The following SNX7 variants were observed in gnomAD, a reference collection of about 807,000 sequenced individuals.
SNX7 encodes the protein sorting nexin 7.
In SNX7, 35 loss-of-function variants were observed where a neutral mutation model predicts 48.4. The ratio of observed to expected loss-of-function variants is 0.72; its 90% confidence interval spans 0.55 to 0.96. SNX7 has a LOEUF of 0.96. Among genes scored for constraint, SNX7 ranks in the 40% least tolerant of loss-of-function variants. SNX7 has a pLI of 0.00. For missense variants in SNX7, 553 were observed against 548.9 expected (o/e 1.01, Z -0.07); for synonymous variants, 190 against 190.2 (o/e 1.00, Z 0.01).
chr1:98,750,131 ATT>A (rs1654510179), intron 8 of SNX7, among the ~76,000 whole-genome samples: 1 of 151,964 alleles, frequency 6.6e-6, no homozygotes. Flanking sequence ...TATCATTATT[ATT>A]ATTAGGTAAA....
chr1:98,727,056 A>G (rs1570577801), intron 7 of SNX7, among the ~76,000 whole-genome samples: 1 of 152,150 alleles, frequency 6.6e-6, no homozygotes, highest in African/African-American at 2.4e-5. Flanking sequence ...TAAGAATACA[A>G]AAAATTAGCT....
In SNX7 at chr1:98,683,013, A is replaced by G. The variant is rs541974225; in HGVS notation, c.181-1872A>G. ...ATATTGCTATCATATTTTAATTTTC[A>G]TGAGTCTCTTTTTTGGTTGGTGGTG... On this transcript the variant is annotated intron_variant, in intron 1 of 8. Coordinates refer to ENST00000306121, the MANE Select transcript of SNX7 (RefSeq NM_015976.5). 2.1e-4 allele frequency among the ~76,000 whole-genome samples: 32 copies of G among 152,032 alleles called. No homozygotes were observed. In the Middle Eastern group the frequency reaches 0.017, roughly 81 times the overall value.
intron 7 of SNX7, among the ~76,000 whole-genome samples, chr1:98,737,206 C>A (rs1378454463): frequency 6.6e-6 from 1 of 151,998 alleles, no homozygotes; most frequent in Non-Finnish European, 1.5e-5. Flanking sequence ...CACTGAGAGT[C>A]CCATGGTTCA....
chr1:98,753,807 A>G (rs1654701925), intron 8 of SNX7, among the ~76,000 whole-genome samples: 1 of 151,942 alleles, frequency 6.6e-6, no homozygotes, highest in Admixed American at 6.6e-5. Context: ...CCCAGTTAAT[A>G]GTTTTCTGTT....
At chr1:98,743,663 G>A (rs1320360001) in intron 8 of SNX7, among the ~76,000 whole-genome samples, 2 of 151,992 alleles carry the variant, frequency 1.3e-5, no homozygotes, top group African/African-American at 4.8e-5. Context: ...TAAAAACTAA[G>A]TCTGAATAAG....
At chr1:98,741,996 T>C (rs1214923997) in intron 8 of SNX7, among the ~76,000 whole-genome samples, 1 of 152,138 alleles carries the variant, frequency 6.6e-6, no homozygotes, top group Non-Finnish European at 1.5e-5. Context: ...AGGAACTGCT[T>C]TAGAATAGCT....
intron 7 of SNX7, among the ~76,000 whole-genome samples, chr1:98,714,047 CAAAGCACAGA>C (rs1652459012): frequency 1.3e-5 from 2 of 152,122 alleles, no homozygotes; most frequent in South Asian, 2.1e-4. Context: ...GGAATATCTG[CAAAGCACAGA>C]AAAGCACAGT....
chr1:98,686,333 C>T (rs190150853), intron 2 of SNX7, among the ~76,000 whole-genome samples: 7 of 151,982 alleles, frequency 4.6e-5, no homozygotes, highest in Admixed American at 3.9e-4. Flanking sequence ...TTTTTTAAAT[C>T]AATGAAACTG....
chr1:98,749,322 A>G (rs749467491), intron 8 of SNX7, among the ~76,000 whole-genome samples: 1 of 152,104 alleles, frequency 6.6e-6, no homozygotes, highest in Non-Finnish European at 1.5e-5. Context: ...CAGAATAATA[A>G]AAAAATGGAC....
intron 1 of SNX7, 148 bp downstream of exon 1, chr1:98,662,059 C>A: frequency 2.2e-6 from 2 of 897,524 alleles, no homozygotes; most frequent in Non-Finnish European, 1.5e-6. Context: ...GGCTGCTGGA[C>A]CCCGCCTGCC....
rs1651603688 is a variant in SNX7 at position 98,698,872 on chromosome 1, A to G, written c.1005A>G (p.Val335=). Residue 335 remains valine, a synonymous_variant, in exon 6 of 9, where the codon GTA becomes GTG. Coordinates refer to ENST00000306121, the MANE Select transcript of SNX7 (RefSeq NM_015976.5). ...SGLSEALLPV[V]HEYVLYSEML... ...TCTCAGAGGCCCTGCTTCCTGTTGT[A>G]CATGAGTACGTGCTTTATAGTGAAA... 1.2e-6 allele frequency: 2 copies of G among 1,613,664 alleles called. No homozygotes were observed. The highest frequency in any genetic ancestry group is 1.7e-6 in the Non-Finnish European group (2 of 1,179,742).
chr1:98,680,782 C>T (rs115498797), intron 1 of SNX7, among the ~76,000 whole-genome samples: 1,756 of 152,278 alleles, frequency 0.012, 35 homozygotes, highest in African/African-American at 0.04. Context: ...TCACCTCAGC[C>T]TGGGTTTCAT....
rs1217840419 is a variant in SNX7 at position 98,735,892 on chromosome 1, GCTGTA to G, written c.1126-2341_1126-2337del. On this transcript the variant is annotated intron_variant, in intron 7 of 8. Transcript: ENST00000306121. ...TACTGTCAGTCCTCTTAATCCCAATGCTGTACTGATAAGGCTACAGTCCTTCTTTC... is the reference window on the plus strand; with the variant it reads ...TACTGTCAGTCCTCTTAATCCCAATGCTGATAAGGCTACAGTCCTTCTTTC... 7.2e-5 allele frequency among the ~76,000 whole-genome samples: 11 copies of G among 152,224 alleles called. No individual in the cohort carries two copies. The South Asian group carries it at 1.9e-3, about 26-fold the overall frequency.
chr1:98,666,472 A>T (rs371484538), intron 1 of SNX7, among the ~76,000 whole-genome samples: 2 of 152,086 alleles, frequency 1.3e-5, no homozygotes, highest in Non-Finnish European at 1.5e-5. Context: ...CTGCCTTTGG[A>T]TCTCCTGCTT....
At chr1:98,720,301 C>T (rs11166079) in intron 7 of SNX7, among the ~76,000 whole-genome samples, 83,884 of 151,714 alleles carry the variant, frequency 0.55, 24,215 homozygotes, top group Non-Finnish European at 0.64. Context: ...TCTTTGTCTC[C>T]TTTCTTTAAA....
chr1:98,724,694 A>G (rs562894141), intron 7 of SNX7, among the ~76,000 whole-genome samples: 103 of 152,048 alleles, frequency 6.8e-4, no homozygotes, highest in Admixed American at 2.6e-4. Context: ...TAAATAGTCA[A>G]CATGGGTGGC....
intron 7 of SNX7, among the ~76,000 whole-genome samples, chr1:98,709,152 A>T (rs144179074): frequency 1.3e-5 from 2 of 152,234 alleles, no homozygotes; most frequent in Non-Finnish European, 2.9e-5. Context: ...GTGTTGTTAA[A>T]TGAGCATATT....
rs186082611 is a variant in SNX7 at position 98,750,270 on chromosome 1, A to G, written c.1279-9784A>G. Among the ~76,000 whole-genome samples the G allele has an allele frequency of 1.3e-3, 199 of 152,108 alleles. 2 individuals are homozygous for G. Among genetic ancestry groups the G allele is most frequent in the African/African-American group, 4.6e-3 (193 of 41,542 alleles). ...TGTCAACAGTGTGGTGTCATTACCT[A>G]TGGCGATATCAACTTGTTATGTAGG... On this transcript the variant is annotated intron_variant, in intron 8 of 8. Transcript: ENST00000306121.
chr1:98,709,021 G>A (rs1473204518), intron 7 of SNX7, among the ~76,000 whole-genome samples: 1 of 152,146 alleles, frequency 6.6e-6, no homozygotes. Flanking sequence ...GTAATTTAAA[G>A]CACAGCATTT....
Sources: allele counts gnomAD v4.1 joint callset (sites outside exome capture counted in the v4.1 genomes callset), GRCh38; gene constraint gnomAD v4.1.1; transcripts MANE v1.5; gene names NCBI Gene and HGNC (gene_info 2026-07-23, HGNC 2026-07-21).